PCDHGA5: variants seen among roughly 807,000 people sequenced by gnomAD.
PCDHGA5 encodes protocadherin gamma subfamily A, 5.
PCDHGA5 carries 36 observed loss-of-function variants against 56.7 expected under a neutral mutation model. The observed-to-expected ratio is 0.64, with a 90% CI of 0.49 to 0.84. The LOEUF (loss-of-function observed/expected upper bound fraction) is 0.84, where lower values mean the gene tolerates loss of function less well. Among genes scored for constraint, PCDHGA5 ranks in the 40% least tolerant of loss-of-function variants. The pLI, the probability that PCDHGA5 is intolerant of heterozygous loss-of-function variation, is 0.00. For missense variants in PCDHGA5, 1,305 were observed against 1,201.5 expected, an observed-to-expected ratio of 1.09 and a Z score of -1.27; for synonymous variants, 563 against 520.2, an observed-to-expected ratio of 1.08 and a Z score of -1.12.
intron 1 of PCDHGA5, among the ~76,000 whole-genome samples, chr5:141,467,790 C>T (rs1321576171): frequency 6.6e-6 from 1 of 152,118 alleles, no homozygotes; most frequent in Non-Finnish European, 1.5e-5. Context: ...TCTCAAGTAG[C>T]TGGGACTACA....
chr5:141,497,187 G>T (rs1475463841), intron 2 of PCDHGA5, among the ~76,000 whole-genome samples: 2 of 139,586 alleles, frequency 1.4e-5, no homozygotes, highest in Non-Finnish European at 3.0e-5. Flanking sequence ...GTTCTGAGAG[G>T]CAGAGAACAA....
rs142703691 is a variant in PCDHGA5 at position 141,489,691 on chromosome 5, C to T, written c.2422-5116C>T. On this transcript the variant is annotated intron_variant, in intron 1 of 3. Transcript: ENST00000518069. The surrounding 1 kb of genome is among the most constrained non-coding windows in gnomAD (Gnocchi z 4.5). ...CTCAGAATCAGCAGCATCTGGGGCACGATTCCCACTGGACAGTGCCCAGGA... is the reference window on the plus strand; with the variant it reads ...CTCAGAATCAGCAGCATCTGGGGCATGATTCCCACTGGACAGTGCCCAGGA... 8.1e-6 allele frequency: 13 copies of T among 1,614,164 alleles called. No individual in the cohort carries two copies. The highest frequency in any genetic ancestry group is 3.3e-5 in the South Asian group (3 of 91,080).
At chr5:141,413,102 G>A in intron 1 of PCDHGA5, 1 of 1,480,778 alleles carries the variant, frequency 6.8e-7, no homozygotes, top group Non-Finnish European at 9.1e-7. Context: ...TGAAGCCACA[G>A]AAAGACAAAG....
Position 141,476,263 on chromosome 5 carries a change from C to T in PCDHGA5, c.2422-18544C>T. 1 of 1,613,940 alleles carries T rather than the reference C, an allele frequency of 6.2e-7. No individual in the cohort carries two copies. The highest frequency in any genetic ancestry group is 8.5e-7 in the Non-Finnish European group (1 of 1,180,010). Reference sequence around the variant, plus strand: ...GAGAGAAGGGTTTCGCTGTGGGCAACGTGGTCGCGAACCTTGGTTTGGATC... The same window carrying T: ...GAGAGAAGGGTTTCGCTGTGGGCAATGTGGTCGCGAACCTTGGTTTGGATC... On this transcript the variant is annotated intron_variant, in intron 1 of 3. Transcript: ENST00000518069. The surrounding 1 kb of genome is among the most constrained non-coding windows in gnomAD (Gnocchi z 7.6).
intron 1 of PCDHGA5, chr5:141,415,164 G>A: frequency 1.9e-6 from 3 of 1,613,838 alleles, no homozygotes; most frequent in African/African-American, 2.7e-5. Flanking sequence ...CCACTGTCAC[G>A]CTCACCGTGG....
At chr5:141,424,036 C>T (rs2096796408) in intron 1 of PCDHGA5, 1 of 1,029,488 alleles carries the variant, frequency 9.7e-7, no homozygotes, top group Non-Finnish European at 1.2e-6. Flanking sequence ...CTTTTTATTT[C>T]CATTTCAATT....
At chr5:141,408,070 T>C (rs1413400462) in intron 1 of PCDHGA5, 3 of 1,381,930 alleles carry the variant, frequency 2.2e-6, no homozygotes, top group Non-Finnish European at 2.9e-6. Context: ...TGCGCAGACC[T>C]TTCCCAGCAC....
intron 1 of PCDHGA5, among the ~76,000 whole-genome samples, chr5:141,449,240 G>A (rs535847654): frequency 6.6e-6 from 1 of 152,186 alleles, no homozygotes; most frequent in Non-Finnish European, 1.5e-5. Context: ...ATTTTCAAAG[G>A]AGTTGCAAGA....
At chr5:141,384,245 C>T (rs776707376) in intron 1 of PCDHGA5, 6 of 1,613,890 alleles carry the variant, frequency 3.7e-6, no homozygotes, top group Non-Finnish European at 5.1e-6. Context: ...AACGATAACC[C>T]ACCCACCTTC....
chr5:141,465,251 A>T (rs1436627558), intron 1 of PCDHGA5, among the ~76,000 whole-genome samples: 1 of 152,214 alleles, frequency 6.6e-6, no homozygotes, highest in Non-Finnish European at 1.5e-5. Flanking sequence ...GCACTTTTGT[A>T]AGCAATGATA....
At chr5:141,420,268 T>C (rs375162019) in intron 1 of PCDHGA5, 254 of 1,543,666 alleles carry the variant, frequency 1.6e-4, no homozygotes, top group Non-Finnish European at 2.1e-4. Context: ...AGAAGATTCT[T>C]AAACAGGTAA....
intron 1 of PCDHGA5, chr5:141,383,947 A>T (rs757638644): frequency 6.2e-7 from 1 of 1,613,788 alleles, no homozygotes; most frequent in Non-Finnish European, 8.5e-7. Context: ...AGTGACTATG[A>T]CGTCTTTAAG....
Position 141,431,137 on chromosome 5 carries a change from T to G in PCDHGA5, c.2422-63670T>G. 3 of 1,614,212 alleles carry G rather than the reference T, an allele frequency of 1.9e-6. No individual in the cohort carries two copies. The highest frequency in any genetic ancestry group is 2.2e-5 in the South Asian group (2 of 91,084). On this transcript the variant is annotated intron_variant, in intron 1 of 3. Coordinates refer to ENST00000518069, the MANE Select transcript of PCDHGA5 (RefSeq NM_018918.3). This position sits in a 1 kb window ranked among gnomAD's most constrained non-coding sequence, Gnocchi z 4.8. Reference sequence around the variant, plus strand: ...GAGTAGAAGTAGAAGTAAGGGACATTAACGACAATGCGCCTTACTTTCGTG... The same window carrying G: ...GAGTAGAAGTAGAAGTAAGGGACATGAACGACAATGCGCCTTACTTTCGTG...
intron 3 of PCDHGA5, among the ~76,000 whole-genome samples, chr5:141,505,875 T>C (rs991981462): frequency 2.6e-4 from 40 of 152,140 alleles, no homozygotes; most frequent in African/African-American, 9.2e-4. Flanking sequence ...AAAGGGTTGT[T>C]GTAGAGATTA....
intron 2 of PCDHGA5, among the ~76,000 whole-genome samples, chr5:141,500,410 C>G (rs2099800033): frequency 6.6e-6 from 1 of 151,774 alleles, no homozygotes; most frequent in Non-Finnish European, 1.5e-5. Flanking sequence ...GGGGTTTCAC[C>G]GTGTTAGCCA....
rs1285420674 is a variant in PCDHGA5 at position 141,409,726 on chromosome 5, C to G, written c.2421+42975C>G. The G allele has an allele frequency of 1.9e-6, 3 of 1,612,982 alleles. No homozygotes were observed. The Admixed American group carries it at 5.0e-5, about 27-fold the overall frequency. On this transcript the variant is annotated intron_variant, in intron 1 of 3. Transcript: ENST00000518069. ...CGGTGTCGTCATACGTGTCAGTGAG[C>G]GCGCAGAGCGGGGTGGTGTTCGCGC...
intron 2 of PCDHGA5, among the ~76,000 whole-genome samples, chr5:141,496,123 C>T (rs2099766207): frequency 6.6e-6 from 1 of 152,098 alleles, no homozygotes; most frequent in African/African-American, 2.4e-5. Flanking sequence ...CTTCCCTGCC[C>T]CTCACACACT....
intron 1 of PCDHGA5, among the ~76,000 whole-genome samples, chr5:141,456,406 G>A (rs1038971451): frequency 2.0e-5 from 3 of 152,080 alleles, no homozygotes; most frequent in South Asian, 2.1e-4. Flanking sequence ...GCTTCTAGGC[G>A]AGAAGAAACA....
intron 1 of PCDHGA5, among the ~76,000 whole-genome samples, chr5:141,494,498 C>G (rs2099754760): frequency 6.6e-6 from 1 of 152,138 alleles, no homozygotes; most frequent in African/African-American, 2.4e-5. Flanking sequence ...GCCTTCAGTC[C>G]TTGAATTTTG....
Sources: gnomAD v4.1 joint callset for allele counts (sites outside exome capture counted in the v4.1 genomes callset) on GRCh38, gnomAD v4.1.1 for gene constraint, Gnocchi (gnomAD v3.1) non-coding constraint, MANE v1.5 for transcripts, NCBI Gene and HGNC (gene_info 2026-07-23, HGNC 2026-07-21) for gene names.